Variants in PRIM2 observed in about 807,000 individuals in gnomAD.
The protein encoded by PRIM2 is DNA primase large subunit.
In PRIM2, 39 loss-of-function variants were observed where a neutral mutation model predicts 67.3. The observed-to-expected ratio is 0.58, with a 90% CI of 0.45 to 0.76. PRIM2 has a LOEUF of 0.76. Among genes scored for constraint, PRIM2 ranks in the 30% least tolerant of loss-of-function variants. PRIM2 has a pLI of 0.00. For synonymous variants in PRIM2, 143 were observed against 198.7 expected (o/e 0.72, Z 2.36); for missense variants, 398 against 598.7 (o/e 0.66, Z 3.50).
chr6:57,281,440 T>G, the PRIM2 span, among the ~76,000 whole-genome samples: 1 of 152,178 alleles, frequency 6.6e-6, no homozygotes, highest in African/African-American at 2.4e-5. Context: ...TTCCCGTTTC[T>G]CCACATCCTC....
intron 7 of PRIM2, among the ~76,000 whole-genome samples, chr6:57,501,676 A>G (rs1184122711): frequency 6.6e-6 from 1 of 152,192 alleles, no homozygotes; most frequent in Non-Finnish European, 1.5e-5. Flanking sequence ...CTCTCTTTCA[A>G]AATAACTAAC....
chr6:57,290,821 A>T, the PRIM2 span, among the ~76,000 whole-genome samples: 5 of 152,326 alleles, frequency 3.3e-5, no homozygotes, highest in East Asian at 9.6e-4. Flanking sequence ...AAGACACAAC[A>T]TACCAGAATC....
the PRIM2 span, among the ~76,000 whole-genome samples, chr6:57,298,700 C>A: frequency 6.6e-6 from 1 of 152,054 alleles, no homozygotes; most frequent in Non-Finnish European, 1.5e-5. Flanking sequence ...AAATTATTAT[C>A]TTACTAATTT....
At chr6:57,373,951 A>G (rs573041499) in intron 5 of PRIM2, among the ~76,000 whole-genome samples, 10 of 152,192 alleles carry the variant, frequency 6.6e-5, no homozygotes, top group Admixed American at 3.3e-4. Context: ...TTCCATATGA[A>G]TTTTAAAATA....
intron 7 of PRIM2, among the ~76,000 whole-genome samples, chr6:57,499,304 G>A (rs1554346640): frequency 6.6e-6 from 1 of 152,158 alleles, no homozygotes; most frequent in Non-Finnish European, 1.5e-5. Flanking sequence ...ACTGTTTCCT[G>A]GATGTGGCTT....
chr6:57,418,654 C>T (rs1771362796), intron 7 of PRIM2, among the ~76,000 whole-genome samples: 1 of 151,902 alleles, frequency 6.6e-6, no homozygotes, highest in Non-Finnish European at 1.5e-5. Context: ...CCCGCCTCGG[C>T]CTCCCAAAGT....
chr6:57,530,708 C>A (rs1186312352), intron 8 of PRIM2, among the ~76,000 whole-genome samples: 16 of 147,008 alleles, frequency 1.1e-4, no homozygotes, highest in Admixed American at 9.6e-4. Flanking sequence ...AAATCTGTAC[C>A]TTTTTTTTTT....
upstream of PRIM2, among the ~76,000 whole-genome samples, chr6:57,311,848 G>C (rs1314275539): frequency 6.6e-6 from 1 of 152,034 alleles, no homozygotes; most frequent in Admixed American, 6.5e-5. Context: ...TCAACACGGC[G>C]AAACCCCGTC....
At position 57,320,556 on chromosome 6, in the gene PRIM2, A is replaced by G; in HGVS notation, c.254A>G (p.Tyr85Cys). The G allele has an allele frequency of 2.5e-6, 4 of 1,597,090 alleles. No homozygotes were observed. Among genetic ancestry groups the G allele is most frequent in the Non-Finnish European group, 3.4e-6 (4 of 1,173,536 alleles). Reference protein sequence around the residue: ...ESELRKLKFSYRENLEDEYEP... With the variant: ...ESELRKLKFSCRENLEDEYEP... ...GAGCTTCGGAAGCTCAAGTTTTCCT[A>G]CAGAGTAAGTAAAAAAGGAAAAAAA... Residue 85 changes from tyrosine (Y) to cysteine (C), a missense_variant, in exon 3 of 14, where the codon TAC (tyrosine) becomes TGC (cysteine). By Grantham distance (194) the Tyr-to-Cys change is radical (BLOSUM62 -2). Around this residue, in one of 4 missense-constraint regions of PRIM2, gnomAD observed 96 missense variants for 98.3 expected, o/e 0.98. Coordinates refer to ENST00000615550, the MANE Select transcript of PRIM2 (RefSeq NM_000947.5).
chr6:57,390,423 C>T (rs9464462), intron 7 of PRIM2, among the ~76,000 whole-genome samples: 10,267 of 151,650 alleles, frequency 0.068, 707 homozygotes, highest in African/African-American at 0.18. Flanking sequence ...GGGGTACATG[C>T]GAAGGTTTGT....
intron 7 of PRIM2, among the ~76,000 whole-genome samples, chr6:57,461,523 G>A (rs1181178850): frequency 6.6e-6 from 1 of 151,982 alleles, no homozygotes; most frequent in African/African-American, 2.4e-5. Flanking sequence ...AACTTAATTC[G>A]ATAGTGAATT....
At chr6:57,538,781 T>C (rs1775071813) in intron 10 of PRIM2, among the ~76,000 whole-genome samples, 2 of 152,200 alleles carry the variant, frequency 1.3e-5, no homozygotes, top group African/African-American at 4.8e-5. Flanking sequence ...GCCTTCTTCT[T>C]GCTTTGTGCT....
the PRIM2 span, among the ~76,000 whole-genome samples, chr6:57,296,909 T>C: frequency 6.6e-6 from 1 of 152,012 alleles, no homozygotes; most frequent in Non-Finnish European, 1.5e-5. Flanking sequence ...GATGGGGACA[T>C]GTTGACAGGA....
chr6:57,331,313 T>G (rs1003624167), intron 5 of PRIM2, among the ~76,000 whole-genome samples: 4 of 152,210 alleles, frequency 2.6e-5, no homozygotes, highest in African/African-American at 9.6e-5. Flanking sequence ...TTGGTTTGGT[T>G]TGCTAGTATT....
the PRIM2 span, among the ~76,000 whole-genome samples, chr6:57,305,485 C>T: frequency 6.6e-6 from 1 of 152,300 alleles, no homozygotes; most frequent in Admixed American, 6.5e-5. Flanking sequence ...ATGTTAAAAA[C>T]TGAAATATTC....
chr6:57,349,787 T>C (rs1768803156), intron 5 of PRIM2, among the ~76,000 whole-genome samples: 1 of 152,170 alleles, frequency 6.6e-6, no homozygotes. Context: ...CACTTTTCTC[T>C]TTTTAAAAAA....
At chr6:57,330,018 A>G (rs1032038090) in intron 5 of PRIM2, among the ~76,000 whole-genome samples, 5 of 152,084 alleles carry the variant, frequency 3.3e-5, no homozygotes, top group African/African-American at 1.2e-4. Context: ...GAATTTTGGG[A>G]TCAACTTGTT....
chr6:57,604,880 CAG>C (rs1776531498), intron 11 of PRIM2, among the ~76,000 whole-genome samples: 1 of 152,146 alleles, frequency 6.6e-6, no homozygotes, highest in South Asian at 2.1e-4. Context: ...TTAGTAGAGA[CAG>C]GGTTTCACTG....
chr6:57,597,317 A>G (rs1395270948), intron 10 of PRIM2, among the ~76,000 whole-genome samples: 1 of 151,276 alleles, frequency 6.6e-6, no homozygotes, highest in Non-Finnish European at 1.5e-5. Context: ...TAGGAGTTGG[A>G]AGAAGGGGGA....
Sources: gnomAD v4.1 joint callset for allele counts (sites outside exome capture counted in the v4.1 genomes callset) on GRCh38, gnomAD v4.1.1 for gene constraint, gnomAD v4.1.1 regional missense constraint, MANE v1.5 for transcripts, NCBI Gene and HGNC (gene_info 2026-07-23, HGNC 2026-07-21) for gene names.